MALRD1: variants seen among roughly 807,000 people sequenced by gnomAD.
MALRD1 encodes MAM and LDL receptor class A domain containing 1.
Under a neutral mutation model 242.1 loss-of-function variants are expected in MALRD1, and 247 were observed. The ratio of observed to expected loss-of-function variants is 1.02; its 90% confidence interval spans 0.92 to 1.13. MALRD1 has a LOEUF of 1.13. MALRD1 is among the 50% of genes most tolerant of loss of function. The pLI, the probability that MALRD1 is intolerant of heterozygous loss-of-function variation, is 0.00. For synonymous variants in MALRD1, 995 were observed against 866.6 expected, an observed-to-expected ratio of 1.15 and a Z score of -2.60; for missense variants, 2,989 against 2,533.1, an observed-to-expected ratio of 1.18 and a Z score of -3.86.
At chr10:19,425,387 A>G (rs1833866500) in intron 28 of MALRD1, among the ~76,000 whole-genome samples, 1 of 152,166 alleles carries the variant, frequency 6.6e-6, no homozygotes, top group Non-Finnish European at 1.5e-5. Flanking sequence ...CTATTAAGGA[A>G]TAGTAGCATT....
At chr10:19,629,593 G>A (rs1472316005) in intron 36 of MALRD1, among the ~76,000 whole-genome samples, 2 of 152,134 alleles carry the variant, frequency 1.3e-5, no homozygotes, top group Non-Finnish European at 2.9e-5. Context: ...AAGCTTCATG[G>A]GGTAGCCGTT....
At chr10:19,468,737 C>G (rs1412878695) in intron 29 of MALRD1, among the ~76,000 whole-genome samples, 1 of 152,010 alleles carries the variant, frequency 6.6e-6, no homozygotes. Context: ...CTGAAAGACT[C>G]TGTATCTCTA....
intron 14 of MALRD1, among the ~76,000 whole-genome samples, chr10:19,186,164 A>G (rs1835729111): frequency 6.6e-6 from 1 of 152,142 alleles, no homozygotes; most frequent in Non-Finnish European, 1.5e-5. Flanking sequence ...CTCTGTAGGG[A>G]AAAAAGGCTA....
chr10:19,456,630 G>T (rs535458061), intron 29 of MALRD1, among the ~76,000 whole-genome samples: 4 of 152,096 alleles, frequency 2.6e-5, no homozygotes, highest in African/African-American at 9.7e-5. Flanking sequence ...TGAGTGCTCC[G>T]AGTGTTGCAT....
intron 26 of MALRD1, among the ~76,000 whole-genome samples, chr10:19,369,480 C>G (rs1845271838): frequency 6.8e-6 from 1 of 147,722 alleles, no homozygotes. Context: ...TTTATATACT[C>G]TGGATGGAAG....
intron 38 of MALRD1, among the ~76,000 whole-genome samples, chr10:19,713,803 G>C (rs939872371): frequency 6.6e-6 from 1 of 152,214 alleles, no homozygotes; most frequent in African/African-American, 2.4e-5. Flanking sequence ...GGTCAGTCTG[G>C]TTCTGGAGTT....
At chr10:19,048,123 A>G (rs1269791860), upstream of MALRD1, among the ~76,000 whole-genome samples, 1 of 152,194 alleles carries the variant, frequency 6.6e-6, no homozygotes, top group Non-Finnish European at 1.5e-5. Context: ...GTAAATCGTG[A>G]TGAATTGACA....
intron 18 of MALRD1, among the ~76,000 whole-genome samples, chr10:19,219,585 C>A (rs114899832): frequency 6.6e-6 from 1 of 152,058 alleles, no homozygotes; most frequent in Admixed American, 6.6e-5. Flanking sequence ...TATAGGCGTG[C>A]ACCACCACAC....
chr10:19,262,072 C>G (rs796836128), intron 19 of MALRD1, among the ~76,000 whole-genome samples: 34 of 152,190 alleles, frequency 2.2e-4, no homozygotes, highest in African/African-American at 7.7e-4. Context: ...TCATCATTTG[C>G]TCTTCCAAGT....
intron 24 of MALRD1, among the ~76,000 whole-genome samples, chr10:19,342,455 A>T (rs552175189): frequency 1.3e-5 from 2 of 152,152 alleles, no homozygotes; most frequent in Non-Finnish European, 2.9e-5. Flanking sequence ...TGACCTGAAT[A>T]ATTGTGGAGC....
intron 35 of MALRD1, among the ~76,000 whole-genome samples, chr10:19,612,126 G>C (rs1363334415): frequency 6.6e-6 from 1 of 151,890 alleles, no homozygotes. Context: ...ATACATATTT[G>C]AGGAAGACTG....
chr10:19,155,198 T>C, intron 12 of MALRD1, 26 bp downstream of exon 12: 1 of 1,198,304 alleles, frequency 8.3e-7, no homozygotes, highest in Non-Finnish European at 1.0e-6. Context: ...GAATTTCCAC[T>C]GGCCATTCTG....
rs145269646 is a variant in MALRD1 at position 19,324,017 on chromosome 10, T to C, written c.3488T>C (p.Ile1163Thr). 2.8e-3 allele frequency: 4,358 copies of C among 1,550,846 alleles called. 10 individuals are homozygous for C. Among genetic ancestry groups the C allele is most frequent in the Admixed American group, 4.2e-3 (212 of 50,996 alleles). ...GGGAAATTTGGTGACACGGCTGACA[T>C]TCTCACTCCTATCATTTCACTCACG... ...SNGKFGDTAD[I>T]LTPIISLTGP... The change falls in exon 22 of 40, where the codon ATT becomes ACT. Residue 1163 changes from isoleucine (I) to threonine (T), a missense_variant. Coordinates refer to ENST00000454679, the MANE Select transcript of MALRD1 (RefSeq NM_001142308.3).
At chr10:19,587,873 G>C (rs79838669) in intron 33 of MALRD1, among the ~76,000 whole-genome samples, 5 of 150,074 alleles carry the variant, frequency 3.3e-5, no homozygotes, top group Admixed American at 6.7e-5. Context: ...GAATGTCAAA[G>C]TTCCGAAATG....
chr10:19,676,317 T>A (rs1415037587), intron 36 of MALRD1, among the ~76,000 whole-genome samples: 1 of 152,168 alleles, frequency 6.6e-6, no homozygotes, highest in Non-Finnish European at 1.5e-5. Flanking sequence ...GGTACAGTAC[T>A]AGAGTGATGA....
chr10:19,511,222 T>G (rs1833387755), intron 31 of MALRD1, among the ~76,000 whole-genome samples: 1 of 152,198 alleles, frequency 6.6e-6, no homozygotes, highest in Non-Finnish European at 1.5e-5. Context: ...AATGATCAGT[T>G]TCCAGTTGAT....
chr10:19,373,517 C>CA (rs1051865303), intron 26 of MALRD1, among the ~76,000 whole-genome samples: 21 of 136,162 alleles, frequency 1.5e-4, no homozygotes, highest in African/African-American at 3.0e-4. Context: ...AAAACTCTGT[C>CA]AAAAAAAAGA....
In MALRD1 at chr10:19,437,328, T is replaced by C. The variant is rs577073919; in HGVS notation, c.4846-12979T>C. On this transcript the variant is annotated intron_variant, in intron 28 of 39. Transcript: ENST00000454679. ...TTGTTCCACTGCTTTGTATATTTAATGTTTCAGTTGCGAGGGCCCTGACAC... is the reference window on the plus strand; with the variant it reads ...TTGTTCCACTGCTTTGTATATTTAACGTTTCAGTTGCGAGGGCCCTGACAC... Among the ~76,000 whole-genome samples the C allele has an allele frequency of 9.4e-4, 143 of 152,230 alleles. 1 individual carries two copies. The highest frequency in any genetic ancestry group is 3.3e-3 in the African/African-American group (138 of 41,578).
chr10:19,340,925 T>A (rs1038581711), intron 24 of MALRD1, among the ~76,000 whole-genome samples: 1 of 152,088 alleles, frequency 6.6e-6, no homozygotes, highest in Non-Finnish European at 1.5e-5. Context: ...TGTTAGCAAG[T>A]TCCTCAGGTG....
Sources: gnomAD v4.1 joint callset for allele counts (sites outside exome capture counted in the v4.1 genomes callset) on GRCh38, gnomAD v4.1.1 for gene constraint, MANE v1.5 for transcripts, NCBI Gene and HGNC (gene_info 2026-07-23, HGNC 2026-07-21) for gene names.